Variants in FAM110B observed in about 807,000 individuals in gnomAD.
The protein encoded by FAM110B is family with sequence similarity 110 member B, also known as protein FAM110B.
FAM110B carries 6 observed loss-of-function variants against 20.4 expected under a neutral mutation model. That is an observed-to-expected ratio of 0.29 (90% CI 0.16 to 0.58). The LOEUF (loss-of-function observed/expected upper bound fraction) is 0.58, where lower values mean the gene tolerates loss of function less well. Among genes scored for constraint, FAM110B ranks in the 20% least tolerant of loss-of-function variants. The probability of loss-of-function intolerance (pLI) is 0.90; values close to 1 mark genes in which losing one functional copy is unlikely to be tolerated. For missense variants in FAM110B, 434 were observed against 498.2 expected (o/e 0.87, Z 1.23); for synonymous variants, 226 against 214.1 (o/e 1.06, Z -0.49).
intron 2 of FAM110B, among the ~76,000 whole-genome samples, chr8:58,055,793 G>C (rs534437093): frequency 2.6e-5 from 4 of 152,296 alleles, no homozygotes; most frequent in African/African-American, 9.6e-5. Context: ...ATTGACACCT[G>C]TTCATGTGCT....
intron 1 of FAM110B, among the ~76,000 whole-genome samples, chr8:58,028,870 A>T (rs1804909837): frequency 1.3e-5 from 2 of 152,178 alleles, no homozygotes; most frequent in African/African-American, 4.8e-5. Context: ...GGAAAACCGC[A>T]TGTGGATTTA....
At chr8:58,139,207 T>A (rs1297094865) in intron 3 of FAM110B, among the ~76,000 whole-genome samples, 1 of 152,248 alleles carries the variant, frequency 6.6e-6, no homozygotes, top group Non-Finnish European at 1.5e-5. Flanking sequence ...AGGAAAAGTC[T>A]GTGGTTTTAA....
chr8:58,008,372 A>T (rs765474890), intron 1 of FAM110B, among the ~76,000 whole-genome samples: 3 of 152,034 alleles, frequency 2.0e-5, no homozygotes, highest in Non-Finnish European at 4.4e-5. Context: ...ACCTCCAGTG[A>T]TCCACCCTCC....
chr8:58,027,019 G>A (rs146758352), intron 1 of FAM110B, among the ~76,000 whole-genome samples: 1 of 152,222 alleles, frequency 6.6e-6, no homozygotes, highest in East Asian at 1.9e-4. Context: ...GGTGCAACAG[G>A]GACAAGTGGG....
intron 1 of FAM110B, among the ~76,000 whole-genome samples, chr8:58,027,001 G>A (rs1804867246): frequency 6.6e-6 from 1 of 150,930 alleles, no homozygotes; most frequent in Admixed American, 6.6e-5. Context: ...AAAAGAACAC[G>A]AACTCAAGGT....
chr8:58,050,363 G>A (rs1367913319), intron 2 of FAM110B, among the ~76,000 whole-genome samples: 2 of 152,172 alleles, frequency 1.3e-5, no homozygotes, highest in African/African-American at 4.8e-5. Context: ...TCCACAGACA[G>A]TACCCATTTC....
At chr8:58,131,518 A>G (rs1803464833) in intron 3 of FAM110B, among the ~76,000 whole-genome samples, 1 of 152,160 alleles carries the variant, frequency 6.6e-6, no homozygotes, top group Admixed American at 6.6e-5. Context: ...TCATGAAACA[A>G]GCCACCTATA....
At position 58,147,265 on chromosome 8, in the gene FAM110B, C is replaced by T. The variant is rs867450502; in HGVS notation, c.1035C>T (p.Ile345=). The T allele has an allele frequency of 1.2e-6, 2 of 1,614,082 alleles. No homozygotes were observed. The highest frequency in any genetic ancestry group is 1.7e-5 in the Admixed American group (1 of 60,026). Residue 345 remains isoleucine, a synonymous_variant, in exon 4 of 4, where the codon ATC becomes ATT. Transcript: ENST00000519262. The part of the protein sequence containing the change: ...NDRVPYGISA[I]ERNARIIKWL... ...GCGTGCCGTATGGCATTTCTGCCATCGAAAGAAATGCTAGAATCATCAAGT... is the reference window on the plus strand; with the variant it reads ...GCGTGCCGTATGGCATTTCTGCCATTGAAAGAAATGCTAGAATCATCAAGT...
intron 1 of FAM110B, among the ~76,000 whole-genome samples, chr8:58,017,322 G>T (rs1352300478): frequency 6.6e-6 from 1 of 152,210 alleles, no homozygotes; most frequent in Non-Finnish European, 1.5e-5. Context: ...AGGTGATGTG[G>T]CCAGTGAGTA....
intron 3 of FAM110B, among the ~76,000 whole-genome samples, chr8:58,092,885 T>C (rs1339936369): frequency 6.6e-6 from 1 of 152,206 alleles, no homozygotes; most frequent in Non-Finnish European, 1.5e-5. Context: ...CATTCCTATT[T>C]CTCCACATCC....
intron 2 of FAM110B, among the ~76,000 whole-genome samples, chr8:58,036,255 A>G (rs1425561050): frequency 6.6e-6 from 1 of 152,182 alleles, no homozygotes; most frequent in African/African-American, 2.4e-5. Flanking sequence ...TATTAACATC[A>G]TTATATTCTG....
chr8:58,074,358 C>G (rs1805980334), intron 2 of FAM110B, among the ~76,000 whole-genome samples: 1 of 152,122 alleles, frequency 6.6e-6, no homozygotes, highest in South Asian at 2.1e-4. Context: ...CCACCAATCC[C>G]CCACACTCAC....
At chr8:58,131,526 A>G (rs1278405944) in intron 3 of FAM110B, among the ~76,000 whole-genome samples, 1 of 152,140 alleles carries the variant, frequency 6.6e-6, no homozygotes, top group Non-Finnish European at 1.5e-5. Context: ...CAAGCCACCT[A>G]TATCACCGTC....
intron 1 of FAM110B, among the ~76,000 whole-genome samples, chr8:58,018,242 A>G (rs973286838): frequency 2.0e-5 from 3 of 152,150 alleles, no homozygotes; most frequent in African/African-American, 7.2e-5. Context: ...CTTTAGTTAT[A>G]TAAACTTTTA....
chr8:58,064,889 A>G (rs1029332821), intron 2 of FAM110B, among the ~76,000 whole-genome samples: 10 of 152,326 alleles, frequency 6.6e-5, no homozygotes, highest in African/African-American at 2.4e-4. Flanking sequence ...CTAAGAAGAT[A>G]ATTTCCCCCT....
At chr8:58,131,592 C>T in intron 3 of FAM110B, among the ~76,000 whole-genome samples, 1 of 152,204 alleles carries the variant, frequency 6.6e-6, no homozygotes, top group East Asian at 1.9e-4. Context: ...TTACCAAAAC[C>T]CTTCTTATCT....
At chr8:58,113,932 A>G (rs1011791618) in intron 3 of FAM110B, among the ~76,000 whole-genome samples, 4 of 152,340 alleles carry the variant, frequency 2.6e-5, no homozygotes, top group East Asian at 3.9e-4. Flanking sequence ...TTGGTATTAC[A>G]TCGGGCCTTA....
chr8:58,114,826 T>C (rs189178481), intron 3 of FAM110B, among the ~76,000 whole-genome samples: 4 of 152,246 alleles, frequency 2.6e-5, no homozygotes, highest in Middle Eastern at 3.4e-3. Flanking sequence ...CCAAGAAAAT[T>C]TGAGTAGCTG....
chr8:58,004,387 T>C (rs539412254), intron 1 of FAM110B, among the ~76,000 whole-genome samples: 6 of 152,374 alleles, frequency 3.9e-5, no homozygotes, highest in African/African-American at 1.2e-4. Flanking sequence ...CTTGTGCAGC[T>C]TCTACATCAG....
Sources: gnomAD v4.1 joint callset for allele counts (sites outside exome capture counted in the v4.1 genomes callset) on GRCh38, gnomAD v4.1.1 for gene constraint, MANE v1.5 for transcripts, NCBI Gene and HGNC (gene_info 2026-07-23, HGNC 2026-07-21) for gene names.